The following RASGRF2 variants were observed in gnomAD, a reference collection of about 807,000 sequenced individuals.
The protein encoded by RASGRF2 is Ras protein specific guanine nucleotide releasing factor 2, also known as ras-specific guanine nucleotide-releasing factor 2.
A neutral mutation model predicts 151.0 loss-of-function variants in RASGRF2; 76 were observed. The observed-to-expected ratio is 0.50, with a 90% confidence interval of 0.42 to 0.61. The LOEUF is 0.61. Ranked by LOEUF, RASGRF2 falls within the 20% of genes least tolerant of loss-of-function variation. The pLI, the probability that RASGRF2 is intolerant of heterozygous loss-of-function variation, is 0.00. For missense variants in RASGRF2, 1,148 were observed against 1,564.6 expected, an observed-to-expected ratio of 0.73 and a Z score of 4.49; for synonymous variants, 504 against 566.5, an observed-to-expected ratio of 0.89 and a Z score of 1.57.
Position 81,229,998 on chromosome 5 carries a change from A to T in RASGRF2, c.*4228A>T, listed in dbSNP as rs1227519381. On this transcript the variant is annotated 3_prime_UTR_variant, in exon 27 of 27. Transcript: ENST00000265080. ...ATTTGAGTGTGTGTGTGATGGACGA[A>T]TATGTGTGTGAGTTTGAGAAGCATA... 6.6e-6 allele frequency: 1 copy of T among 152,180 alleles called. No homozygotes were observed. 9.4% of individuals were successfully genotyped at this position (152,180 alleles called of 1,614,324 possible).
intron 1 of RASGRF2, among the ~76,000 whole-genome samples, chr5:80,971,781 G>A (rs1747942672): frequency 6.6e-6 from 1 of 151,870 alleles, no homozygotes; most frequent in Admixed American, 6.6e-5. Context: ...TATTGCCCAG[G>A]CTGGTCTCAA....
At chr5:81,074,781 G>A (rs946361178) in intron 5 of RASGRF2, among the ~76,000 whole-genome samples, 1 of 152,086 alleles carries the variant, frequency 6.6e-6, no homozygotes, top group Non-Finnish European at 1.5e-5. Context: ...GGTGACATTC[G>A]AGCAAAGGCT....
intron 2 of RASGRF2, among the ~76,000 whole-genome samples, chr5:81,056,266 G>A (rs937201982): frequency 2.0e-4 from 31 of 152,294 alleles, no homozygotes; most frequent in African/African-American, 7.5e-4. Context: ...TGGGCATTTA[G>A]TGCTATAAAT....
intron 15 of RASGRF2, among the ~76,000 whole-genome samples, chr5:81,120,510 G>A (rs1165280843): frequency 2.6e-5 from 4 of 152,212 alleles, no homozygotes; most frequent in Non-Finnish European, 5.9e-5. Flanking sequence ...TTGAGCCTAA[G>A]AGGTCAAGGA....
At chr5:81,098,892 C>T (rs1197251868) in intron 12 of RASGRF2, among the ~76,000 whole-genome samples, 1 of 152,190 alleles carries the variant, frequency 6.6e-6, no homozygotes, top group Non-Finnish European at 1.5e-5. Context: ...GATAAGCTTA[C>T]TGAATGCTTG....
At chr5:81,030,167 C>T (rs550451542) in intron 1 of RASGRF2, among the ~76,000 whole-genome samples, 23 of 152,270 alleles carry the variant, frequency 1.5e-4, no homozygotes, top group African/African-American at 5.3e-4. Flanking sequence ...ACAAAATCTA[C>T]GTCTGATTGG....
chr5:81,125,033 G>A lies in RASGRF2; in HGVS notation c.2596+1266G>A, dbSNP rs190747060. ...CTCCCGAGTAGCCAGGATTACAGCCGTGGGCCACCACGCCCAGCAGTTTTT... is the reference window on the plus strand; with the variant it reads ...CTCCCGAGTAGCCAGGATTACAGCCATGGGCCACCACGCCCAGCAGTTTTT... On this transcript the variant is annotated intron_variant, in intron 16 of 26. Coordinates refer to ENST00000265080, the MANE Select transcript of RASGRF2 (RefSeq NM_006909.3). Among the ~76,000 whole-genome samples, 70 of 152,140 alleles carry A rather than the reference G, an allele frequency of 4.6e-4. 1 individual carries two copies. The East Asian group carries it at 9.1e-3, about 20-fold the overall frequency.
chr5:81,080,345 C>A, intron 6 of RASGRF2, 145 bp downstream of exon 6: 1 of 1,442,016 alleles, frequency 6.9e-7, no homozygotes, highest in Non-Finnish European at 9.2e-7. Context: ...GTCTCCTTGC[C>A]TTTTGGGTAC....
intron 9 of RASGRF2, chr5:81,087,494 T>C (rs906683320): frequency 1.1e-5 from 7 of 609,558 alleles, no homozygotes; most frequent in Non-Finnish European, 2.1e-5. Context: ...CACGCTTTGG[T>C]AATGCAGAAG....
intron 17 of RASGRF2, among the ~76,000 whole-genome samples, chr5:81,140,752 G>C (rs1753866269): frequency 6.6e-6 from 1 of 152,096 alleles, no homozygotes; most frequent in South Asian, 2.1e-4. Flanking sequence ...CTCCCTGCAG[G>C]CTGCTCTCTT....
intron 15 of RASGRF2, among the ~76,000 whole-genome samples, chr5:81,116,859 G>A (rs1478268519): frequency 6.6e-6 from 1 of 152,160 alleles, no homozygotes; most frequent in Non-Finnish European, 1.5e-5. Flanking sequence ...GATAGCATGT[G>A]ATAGAATTTC....
At chr5:81,013,595 T>TTATATATA (rs149298620) in intron 1 of RASGRF2, among the ~76,000 whole-genome samples, 4 of 148,914 alleles carry the variant, frequency 2.7e-5, no homozygotes, top group African/African-American at 7.4e-5. Flanking sequence ...AATATATTTG[T>TTATATATA]TATATATATA....
intron 17 of RASGRF2, among the ~76,000 whole-genome samples, chr5:81,156,428 T>A (rs755225502): frequency 3.1e-4 from 47 of 152,268 alleles, no homozygotes; most frequent in Non-Finnish European, 5.6e-4. Context: ...ATATCCCTCA[T>A]GAGTAAAATG....
intron 19 of RASGRF2, chr5:81,204,316 G>A (rs1178226053): frequency 6.6e-6 from 1 of 152,168 alleles, no homozygotes; most frequent in African/African-American, 2.4e-5. Flanking sequence ...AGAAAACACA[G>A]GCTATGACTG....
chr5:81,192,557 C>T (rs187566293), intron 18 of RASGRF2, among the ~76,000 whole-genome samples: 95 of 152,346 alleles, frequency 6.2e-4, no homozygotes, highest in African/African-American at 2.2e-3. Flanking sequence ...GGCAGGCCAG[C>T]GGTGGTGGCC....
At chr5:81,192,580 G>A (rs1377602318) in intron 18 of RASGRF2, among the ~76,000 whole-genome samples, 5 of 152,190 alleles carry the variant, frequency 3.3e-5, no homozygotes, top group Admixed American at 6.5e-5. Flanking sequence ...TGAGCAAGGC[G>A]AGCGGGTCCC....
rs1398847559 is a variant in RASGRF2, at chr5:81,094,936, G to A, written c.1699G>A (p.Val567Ile). The change falls in exon 12 of 27, where the codon GTC becomes ATC. Residue 567 changes from valine (V) to isoleucine (I), a missense_variant. Physicochemically the swap from Val to Ile is conservative, Grantham distance 29. Coordinates refer to ENST00000265080, the MANE Select transcript of RASGRF2 (RefSeq NM_006909.3). ...EPPDAAAFTVVLLAPSRQEKA... is the reference protein window; with the variant it reads ...EPPDAAAFTVILLAPSRQEKA... ...TCCTGACGCTGCCGCCTTCACTGTT[G>A]TCTTGTTAGCACCCTCACGCCAGGA... The A allele has an allele frequency of 6.2e-7, 1 of 1,603,894 alleles. No individual in the cohort carries two copies. Among genetic ancestry groups the A allele is most frequent in the Non-Finnish European group, 8.5e-7 (1 of 1,174,220 alleles).
In RASGRF2 at chr5:81,210,911, C is replaced by T. The variant is rs535536992; in HGVS notation, c.3157-1455C>T. 5.9e-5 allele frequency among the ~76,000 whole-genome samples: 9 copies of T among 152,110 alleles called. No individual in the cohort carries two copies. The East Asian group carries it at 7.7e-4, about 13-fold the overall frequency. ...CTGTAATCCCAGCACTTTGGGAGGC[C>T]GAGCTGGGAGGATTGCTTTAGCCCA... On this transcript the variant is annotated intron_variant, in intron 22 of 26. Coordinates refer to ENST00000265080, the MANE Select transcript of RASGRF2 (RefSeq NM_006909.3).
intron 1 of RASGRF2, among the ~76,000 whole-genome samples, chr5:81,022,550 T>C (rs377282531): frequency 6.6e-6 from 1 of 152,312 alleles, no homozygotes; most frequent in Non-Finnish European, 1.5e-5. Flanking sequence ...AGCTTTGTCA[T>C]CAGTGCCTTA....
Sources: gnomAD v4.1 joint callset for allele counts (sites outside exome capture counted in the v4.1 genomes callset) on GRCh38, gnomAD v4.1.1 for gene constraint, MANE v1.5 for transcripts, NCBI Gene and HGNC (gene_info 2026-07-23, HGNC 2026-07-21) for gene names.